The following CD1B variants were observed in gnomAD, a reference collection of about 807,000 sequenced individuals.
CD1B encodes T-cell surface glycoprotein CD1b.
Under a neutral mutation model 39.8 loss-of-function variants are expected in CD1B, and 43 were observed. The ratio of observed to expected loss-of-function variants is 1.08; its 90% CI spans 0.85 to 1.39. The LOEUF is 1.39. Among genes scored for constraint, CD1B ranks in the 40% most tolerant of loss-of-function variants. The pLI, the probability that CD1B is intolerant of heterozygous loss-of-function variation, is 0.00. For synonymous variants in CD1B, 192 were observed against 152.5 expected, an observed-to-expected ratio of 1.26 and a Z score of -1.91; for missense variants, 495 against 403.8, an observed-to-expected ratio of 1.23 and a Z score of -1.94.
the CD1B span, among the ~76,000 whole-genome samples, chr1:158,311,926 G>A: frequency 6.6e-6 from 1 of 152,162 alleles, no homozygotes; most frequent in African/African-American, 2.4e-5. Context: ...AAATCAGGTA[G>A]TGTGATTTCT....
At chr1:158,319,519 C>G in the CD1B span, among the ~76,000 whole-genome samples, 1 of 152,200 alleles carries the variant, frequency 6.6e-6, no homozygotes, top group South Asian at 2.1e-4. Context: ...CTCCATCACT[C>G]CTTTAAGCAC....
chr1:158,329,748 C>G (rs947013148), intron 3 of CD1B, 100 bp from the exon 4 acceptor site: 2 of 1,559,514 alleles, frequency 1.3e-6, no homozygotes, highest in Non-Finnish European at 1.7e-6. Context: ...CCATTCACTC[C>G]TTTGGGAACC....
chr1:158,309,223 A>G, the CD1B span, among the ~76,000 whole-genome samples: 17 of 152,356 alleles, frequency 1.1e-4, 1 homozygote, highest in Admixed American at 1.1e-3. Context: ...CAAAGGACAC[A>G]TGAAAAAACG....
the CD1B span, among the ~76,000 whole-genome samples, chr1:158,288,995 G>T: frequency 6.6e-6 from 1 of 152,252 alleles, no homozygotes. Context: ...AAAGCTGCAT[G>T]TTCTGACTAT....
chr1:158,293,765 C>T, the CD1B span: 1 of 591,976 alleles, frequency 1.7e-6, no homozygotes, highest in Non-Finnish European at 3.0e-6. Flanking sequence ...GCATGCAACA[C>T]TTCCTACCCT....
chr1:158,291,542 T>A, the CD1B span: 2 of 834,010 alleles, frequency 2.4e-6, no homozygotes, highest in Non-Finnish European at 3.7e-6. Flanking sequence ...GGGATATTCC[T>A]GATGTTGACT....
chr1:158,303,305 C>T, the CD1B span, among the ~76,000 whole-genome samples: 15 of 152,168 alleles, frequency 9.9e-5, no homozygotes, highest in African/African-American at 3.4e-4. Flanking sequence ...GCATCTATGA[C>T]AAACCCACAG....
At chr1:158,293,619 T>C in the CD1B span, 2 of 1,587,784 alleles carry the variant, frequency 1.3e-6, no homozygotes, top group Non-Finnish European at 1.7e-6. Context: ...AAAACCAAAT[T>C]CTAATTTGGA....
rs752275251 is a variant in CD1B at position 158,330,834 on chromosome 1, C to T, written c.290G>A (p.Arg97Gln). 32 of 1,614,044 alleles carry T rather than the reference C, an allele frequency of 2.0e-5. No homozygotes were observed. The highest frequency in any genetic ancestry group is 3.3e-5 in the Admixed American group (2 of 59,998). ...ATCACCGGCAAAGTCTTGTACTTCTCGAGCGAATCCAAAGATGTAGACTCG... is the reference window on the plus strand; with the variant it reads ...ATCACCGGCAAAGTCTTGTACTTCTTGAGCGAATCCAAAGATGTAGACTCG... ...IFRVYIFGFA[R>Q]EVQDFAGDFQ... The change falls in exon 2 of 6, where the codon CGA (arginine) becomes CAA (glutamine). Residue 97 changes from arginine to glutamine, a missense_variant. Coordinates refer to ENST00000368168, the MANE Select transcript of CD1B (RefSeq NM_001764.3).
At chr1:158,306,590 T>A in the CD1B span, among the ~76,000 whole-genome samples, 6 of 152,148 alleles carry the variant, frequency 3.9e-5, no homozygotes, top group Non-Finnish European at 8.8e-5. Flanking sequence ...CTAATAGACA[T>A]CTACAGAACT....
chr1:158,304,198 A>C, the CD1B span, among the ~76,000 whole-genome samples: 16 of 152,250 alleles, frequency 1.1e-4, no homozygotes, highest in East Asian at 3.1e-3. Flanking sequence ...TAATCAAAGA[A>C]AGGGGTGACA....
chr1:158,313,479 A>G, the CD1B span, among the ~76,000 whole-genome samples: 2 of 151,866 alleles, frequency 1.3e-5, no homozygotes, highest in East Asian at 3.9e-4. Flanking sequence ...TTTGGCTAAT[A>G]TTTGTACTTT....
At position 158,331,518 on chromosome 1, in the gene CD1B, C is replaced by T; in HGVS notation, c.-95G>A. On this transcript the variant is annotated 5_prime_UTR_variant, in exon 1 of 6. Coordinates refer to ENST00000368168, the MANE Select transcript of CD1B (RefSeq NM_001764.3). ...TCAGTACCCTGTAGTGACTTCTTCT[C>T]TCTTCCAACTGCCAAATCTCTTCCT... The T allele has an allele frequency of 1.0e-6, 1 of 973,988 alleles. No homozygotes were observed. The highest frequency in any genetic ancestry group is 2.0e-5 in the Admixed American group (1 of 50,618). The allele number at this position is 973,988 out of a possible 1,614,324, so 60.3% of individuals were successfully genotyped here. A position where few individuals can be genotyped will look rare whatever the true frequency, so the allele number is the denominator to read the frequency against.
intron 1 of CD1B, 76 bp downstream of exon 1, chr1:158,331,287 A>G (rs1652592745): frequency 2.9e-6 from 4 of 1,368,646 alleles, no homozygotes; most frequent in Admixed American, 3.4e-5. Context: ...GTCCAATTGC[A>G]CCTAGGAAAG....
chr1:158,299,313 A>T, the CD1B span, among the ~76,000 whole-genome samples: 1 of 152,170 alleles, frequency 6.6e-6, no homozygotes, highest in Non-Finnish European at 1.5e-5. Context: ...GTGATGGATT[A>T]CATTTATTGA....
chr1:158,316,189 T>C, the CD1B span, among the ~76,000 whole-genome samples: 1 of 152,070 alleles, frequency 6.6e-6, no homozygotes, highest in Non-Finnish European at 1.5e-5. Context: ...TCCAATTCTG[T>C]GAAGAAAGGC....
chr1:158,330,064 AG>A lies in CD1B; in HGVS notation c.394del (p.Leu132Ter). On this transcript the variant is annotated frameshift_variant, in exon 3 of 6. Transcript: ENST00000368168. LOFTEE classifies it high-confidence loss of function. ...LHSGGAIVSF[L>X]RGALGGLDFL... ...ATCCAATCCTCCTAGAGCTCCCCTC[AG>A]GAAGCTTACTATGGCACCTCCAGAA... 6.2e-7 allele frequency: 1 copy of A among 1,613,972 alleles called. No individual in the cohort carries two copies. The highest frequency in any genetic ancestry group is 8.5e-7 in the Non-Finnish European group (1 of 1,179,864).
the CD1B span, among the ~76,000 whole-genome samples, chr1:158,305,295 G>A: frequency 2.0e-5 from 3 of 152,282 alleles, no homozygotes; most frequent in Middle Eastern, 3.4e-3. Context: ...TGAATAACAA[G>A]CCTCAGTAGC....
At chr1:158,323,909 T>C (rs1327231478), downstream of CD1B, among the ~76,000 whole-genome samples, 5 of 152,344 alleles carry the variant, frequency 3.3e-5, no homozygotes, top group African/African-American at 1.2e-4. Context: ...CCTCAGGATC[T>C]GCTTTGGGAC....
Sources: allele counts gnomAD v4.1 joint callset (sites outside exome capture counted in the v4.1 genomes callset), GRCh38; gene constraint gnomAD v4.1.1; transcripts MANE v1.5; gene names NCBI Gene and HGNC (gene_info 2026-07-23, HGNC 2026-07-21).